The following CTU2 variants were observed in gnomAD, a reference collection of about 807,000 sequenced individuals.
CTU2 encodes the protein cytosolic thiouridylase subunit 2.
A neutral mutation model predicts 64.1 loss-of-function variants in CTU2; 80 were observed. The observed-to-expected ratio is 1.25, with a 90% confidence interval of 1.04 to 1.50. CTU2 has a LOEUF of 1.50. CTU2 is among the 40% of genes most tolerant of loss of function. CTU2 has a pLI of 0.00. For synonymous variants in CTU2, 482 were observed against 285.3 expected (o/e 1.69, Z -6.95); for missense variants, 1,110 against 690.2 (o/e 1.61, Z -6.81).
intron 12 of CTU2, 33 bp from the exon 13 acceptor site, chr16:88,714,827 A>G (rs765181101): frequency 1.2e-6 from 2 of 1,612,130 alleles, no homozygotes; most frequent in South Asian, 1.1e-5. Flanking sequence ...TTGAGGTGCC[A>G]AGGTGGGCAC....
At position 88,715,123 on chromosome 16, in the gene CTU2, T is replaced by G; in HGVS notation, c.1478+17T>G. 6.3e-7 allele frequency: 1 copy of G among 1,598,908 alleles called. No individual in the cohort carries two copies. Among genetic ancestry groups the G allele is most frequent in the Non-Finnish European group, 8.5e-7 (1 of 1,172,744 alleles). On this transcript the variant is annotated intron_variant, in intron 14 of 14. Transcript: ENST00000453996. ...CACACAGAGGTACTGGGGCCCACAC[T>G]GCCGTGGCGCGTGGGTAAGGGGCCT...
chr16:88,709,841 G>A, intron 2 of CTU2, 97 bp from the exon 3 acceptor site: 3 of 988,370 alleles, frequency 3.0e-6, no homozygotes, highest in South Asian at 2.6e-5. Context: ...TTTTAAAGAT[G>A]GAGATTGGCA....
At chr16:88,709,618 C>G (rs956653278) in intron 2 of CTU2, 1 of 381,160 alleles carries the variant, frequency 2.6e-6, no homozygotes, top group Non-Finnish European at 4.8e-6. Context: ...AGTCTGTCCA[C>G]TCCACCAGCT....
Position 88,712,828 on chromosome 16 carries a change from C to A in CTU2, c.660C>A (p.Ala220=). The A allele has an allele frequency of 6.3e-7, 1 of 1,594,840 alleles. No homozygotes were observed. Among genetic ancestry groups the A allele is most frequent in the Non-Finnish European group, 8.5e-7 (1 of 1,171,466 alleles). ...PQNLARPPAP[A]QTEALSQLFC... is the part of the protein sequence containing the mutation. ...ACCTGGCAAGACCGCCTGCCCCTGC[C>A]CAGACTGAGGCTCTTTCCCAACTGT... Residue 220 remains alanine (A), a synonymous_variant, in exon 7 of 15, where the codon GCC becomes GCA. Transcript: ENST00000453996.
chr16:88,713,467 T>G lies in CTU2; in HGVS notation c.873+20T>G. On this transcript the variant is annotated intron_variant, in intron 8 of 14. Transcript: ENST00000453996. ...GATACGGTAGGCAGGGGCCTGGGTG[T>G]TCAGGAGGCCCATCCTCACCTTCAC... 6.4e-7 allele frequency: 1 copy of G among 1,565,058 alleles called. No homozygotes were observed. Among genetic ancestry groups the G allele is most frequent in the Non-Finnish European group, 8.6e-7 (1 of 1,161,694 alleles).
At chr16:88,710,061 C>A (rs200066636) in intron 3 of CTU2, 45 bp downstream of exon 3, 1 of 1,602,038 alleles carries the variant, frequency 6.2e-7, no homozygotes, top group Non-Finnish European at 8.6e-7. Context: ...CCTGGCCCCT[C>A]GAGGTCCCTG....
Position 88,710,003 on chromosome 16 carries a change from T to G in CTU2, c.209T>G (p.Phe70Cys). The G allele has an allele frequency of 6.2e-7, 1 of 1,613,932 alleles. No individual in the cohort carries two copies. The highest frequency in any genetic ancestry group is 8.5e-7 in the Non-Finnish European group (1 of 1,180,004). The change falls in exon 3 of 15, where the codon TTT becomes TGT. Residue 70 changes from phenylalanine to cysteine, a missense_variant. Coordinates refer to ENST00000453996, the MANE Select transcript of CTU2 (RefSeq NM_001012759.3). ...RAMLGKNRLI[F>C]PGEKVLLAWS... is the part of the protein sequence containing the mutation. ...ATGCTGGGCAAGAACCGGCTCATCTTTCCAGGCGAGAAGGTAGCGTCTGGG... is the reference window on the plus strand; with the variant it reads ...ATGCTGGGCAAGAACCGGCTCATCTGTCCAGGCGAGAAGGTAGCGTCTGGG...
rs766730727 is a variant in CTU2, at chr16:88,712,756, G to T, written c.588G>T (p.Pro196=). 12 of 1,608,402 alleles carry T rather than the reference G, an allele frequency of 7.5e-6. No individual in the cohort carries two copies. The highest frequency in any genetic ancestry group is 5.5e-5 in the South Asian group (5 of 90,762). Residue 196 remains proline (P), a synonymous_variant, in exon 7 of 15, where the codon CCG becomes CCT. Coordinates refer to ENST00000453996, the MANE Select transcript of CTU2 (RefSeq NM_001012759.3). Reference sequence around the variant, plus strand: ...TGGGGGCCGGGGGTGGTCCTGGCCCGACTCAAGGGGAGGAACAGCCACCCC... The same window carrying T: ...TGGGGGCCGGGGGTGGTCCTGGCCCTACTCAAGGGGAGGAACAGCCACCCC... ...HVLGAGGGPG[P]TQGEEQPPQP...
chr16:88,711,236 C>T (rs528570027), intron 4 of CTU2, among the ~76,000 whole-genome samples: 2 of 152,164 alleles, frequency 1.3e-5, no homozygotes, highest in South Asian at 2.1e-4. Flanking sequence ...CTGTGCCCAG[C>T]GGCGCCCCTG....
At chr16:88,713,867 C>G in intron 9 of CTU2, 89 bp downstream of exon 9, 1 of 1,532,462 alleles carries the variant, frequency 6.5e-7, no homozygotes, top group Non-Finnish European at 8.9e-7. Flanking sequence ...CTCAGGTCAC[C>G]AGCACACCTT....
At chr16:88,712,508 A>G in intron 6 of CTU2, 114 bp from the exon 7 acceptor site, 16 of 1,479,496 alleles carry the variant, frequency 1.1e-5, no homozygotes, top group Non-Finnish European at 1.5e-5. Flanking sequence ...GGTGGGAGGC[A>G]CCTGCCCGTG....
At position 88,714,440 on chromosome 16, in the gene CTU2, C is replaced by T. The variant is rs371428735; in HGVS notation, c.1155C>T (p.Gly385=). The T allele has an allele frequency of 6.2e-7, 1 of 1,612,460 alleles. No individual in the cohort carries two copies. Among genetic ancestry groups the T allele is most frequent in the South Asian group, 1.1e-5 (1 of 91,078 alleles). ...ATGGCCCTGCTGCTGGCGACTCCGG[C>T]CCCCGCTGCCTCCTCTGCATGTGTG... The part of the protein sequence containing the change: ...PRDGPAAGDS[G]PRCLLCMCAL... Residue 385 remains glycine, a synonymous_variant, in exon 11 of 15, where the codon GGC becomes GGT. Coordinates refer to ENST00000453996, the MANE Select transcript of CTU2 (RefSeq NM_001012759.3).
chr16:88,713,892 G>C, intron 9 of CTU2, 114 bp downstream of exon 9: 1 of 1,430,414 alleles, frequency 7.0e-7, no homozygotes, highest in Non-Finnish European at 9.7e-7. Flanking sequence ...GACTCCTGCT[G>C]TGGCCCCCAG....
chr16:88,707,094 G>T, intron 1 of CTU2, 42 bp from the exon 2 acceptor site: 1 of 1,598,978 alleles, frequency 6.3e-7, no homozygotes, highest in Non-Finnish European at 8.6e-7. Context: ...TGGGGAAGAT[G>T]TGATCTGTGT....
intron 13 of CTU2, 28 bp downstream of exon 13, chr16:88,714,954 C>CG (rs1460370735): frequency 6.2e-7 from 1 of 1,608,580 alleles, no homozygotes; most frequent in African/African-American, 1.4e-5. Flanking sequence ...TGTCCTGGGC[C>CG]GGGCTTGGGG....
rs1911555797 is a variant in CTU2 at position 88,713,560 on chromosome 16, G to T, written c.874-87G>T. The T allele has an allele frequency of 3.2e-6, 5 of 1,564,096 alleles. No individual in the cohort carries two copies. The East Asian group carries it at 1.1e-4, about 35-fold the overall frequency. The stretch of plus-strand genomic sequence containing the variant: ...GTCCTGCGGCCTCGGATGGTGGTGG[G>T]GTCTGTGACCTCCCCTACCTGGCAG... On this transcript the variant is annotated intron_variant, in intron 8 of 14. Transcript: ENST00000453996.
rs934222877 is a variant in CTU2, at chr16:88,706,994, A to G, written c.69-142A>G. On this transcript the variant is annotated intron_variant, in intron 1 of 14. Transcript: ENST00000453996. ...TTTTCTTGAAGTTTGGACAGAACACAAGCCTGGGTTTGTGTGTGTACCGAG... is the reference window on the plus strand; with the variant it reads ...TTTTCTTGAAGTTTGGACAGAACACGAGCCTGGGTTTGTGTGTGTACCGAG... The G allele has an allele frequency of 9.3e-5, 71 of 762,762 alleles. 1 individual carries two copies. In the South Asian group the frequency reaches 1.1e-3, roughly 12 times the overall value. The allele number at this position is 762,762 out of a possible 1,614,324, so 47.2% of individuals were successfully genotyped here.
chr16:88,714,978 G>T (rs754183526), intron 13 of CTU2, 52 bp downstream of exon 13: 1 of 1,602,804 alleles, frequency 6.2e-7, no homozygotes, highest in Non-Finnish European at 8.5e-7. Context: ...CGGGAAGGCC[G>T]TCACCTCGTG....
intron 11 of CTU2, 50 bp from the exon 12 acceptor site, chr16:88,714,537 G>A (rs1567652912): frequency 1.2e-6 from 2 of 1,612,578 alleles, no homozygotes; most frequent in South Asian, 2.2e-5. Context: ...CAGGGAGTGG[G>A]TGTGGGGGCT....
Sources: allele counts gnomAD v4.1 joint callset (sites outside exome capture counted in the v4.1 genomes callset), GRCh38; gene constraint gnomAD v4.1.1; transcripts MANE v1.5; gene names NCBI Gene and HGNC (gene_info 2026-07-23, HGNC 2026-07-21).